Variants in AQP7 observed in about 807,000 individuals in gnomAD.
AQP7 encodes the protein aquaporin 7.
AQP7 carries 22 observed loss-of-function variants against 26.1 expected under a neutral mutation model. The ratio of observed to expected loss-of-function variants is 0.84; its 90% CI spans 0.60 to 1.20. The LOEUF (loss-of-function observed/expected upper bound fraction) is 1.20. Ranked by LOEUF, AQP7 falls within the 50% of genes most tolerant of loss-of-function variation. The pLI, the probability that AQP7 is intolerant of heterozygous loss-of-function variation, is 0.00. For synonymous variants in AQP7, 167 were observed against 181.7 expected, an observed-to-expected ratio of 0.92 and a Z score of 0.65; for missense variants, 412 against 457.5, an observed-to-expected ratio of 0.90 and a Z score of 0.91.
chr9:33,391,553 G>A (rs1229724192), intron 3 of AQP7: 1 of 252,884 alleles, frequency 4.0e-6, no homozygotes, highest in South Asian at 3.9e-5. Context: ...CCACAGCCAG[G>A]AGGCCAGCTC....
In AQP7 at chr9:33,385,108, G is replaced by T; in HGVS notation, c.926C>A (p.Pro309His). ...GACGGGGGTGAGGGGAGAGATCGTG[G>T]GTTCATGAGATCCCATCTTGGGCAA... ...TVLPKMGSHEPTISPLTPVSV... is the reference protein window; with the variant it reads ...TVLPKMGSHEHTISPLTPVSV... The change falls in exon 8 of 8, where the codon CCC becomes CAC. Residue 309 changes from proline (P) to histidine (H), a missense_variant. Pro to His is a moderately conservative substitution (Grantham distance 77). Transcript: ENST00000297988. 1 of 1,611,946 alleles carries T rather than the reference G, an allele frequency of 6.2e-7. No homozygotes were observed. The highest frequency in any genetic ancestry group is 1.1e-5 in the South Asian group (1 of 90,982).
At chr9:33,388,510 C>A (rs1825082189) in intron 3 of AQP7, among the ~76,000 whole-genome samples, 1 of 152,230 alleles carries the variant, frequency 6.6e-6, no homozygotes, top group Non-Finnish European at 1.5e-5. Context: ...TGCATAATTT[C>A]ATCCTTTCTG....
intron 3 of AQP7, among the ~76,000 whole-genome samples, chr9:33,389,936 G>A (rs1825222574): frequency 6.6e-6 from 1 of 150,968 alleles, no homozygotes; most frequent in African/African-American, 2.4e-5. Context: ...GCTGAGACAG[G>A]AGAATTGCTT....
At chr9:33,393,349 A>G (rs1454783046) in intron 3 of AQP7, among the ~76,000 whole-genome samples, 1 of 152,256 alleles carries the variant, frequency 6.6e-6, no homozygotes, top group Non-Finnish European at 1.5e-5. Flanking sequence ...ATTCTACATG[A>G]TATAAGTGAG....
chr9:33,401,238 G>T lies in AQP7; in HGVS notation c.25C>A (p.Arg9=). 6.5e-7 allele frequency: 1 copy of T among 1,549,332 alleles called. No homozygotes were observed. The highest frequency in any genetic ancestry group is 8.7e-7 in the Non-Finnish European group (1 of 1,146,748). MVQASGHR[R]STRGSKMVSW... is the part of the protein sequence containing the mutation. The stretch of plus-strand genomic sequence containing the variant: ...GTGAGAAGAGGGTGGGGTACTTACC[G>T]CCTGTGCCCGGATGCTTGAACCATG... The change falls in exon 2 of 8, where the codon CGG becomes AGG. Residue 9 remains arginine, a splice_region_variant and synonymous_variant. Coordinates refer to ENST00000297988, the MANE Select transcript of AQP7 (RefSeq NM_001170.3).
At chr9:33,390,004 G>A (rs1433213071) in intron 3 of AQP7, among the ~76,000 whole-genome samples, 1 of 149,700 alleles carries the variant, frequency 6.7e-6, no homozygotes, top group Non-Finnish European at 1.5e-5. Context: ...CTCCAGCCTG[G>A]GTGACAGAGC....
In AQP7 at chr9:33,387,093, C is replaced by A. The variant is rs779208290; in HGVS notation, c.145-1G>T. ...GGGCCACGGAACCAAGGCCGAATAC[C>A]TACAAGGGAGGGCCTCTAAGGGGGC... is the stretch of plus-strand genomic sequence containing the variant. On this transcript the variant is annotated splice_acceptor_variant, in intron 3 of 7. Coordinates refer to ENST00000297988, the MANE Select transcript of AQP7 (RefSeq NM_001170.3). LOFTEE classifies it high-confidence loss of function. 2.5e-6 allele frequency: 4 copies of A among 1,611,646 alleles called. No homozygotes were observed. The highest frequency in any genetic ancestry group is 3.4e-6 in the Non-Finnish European group (4 of 1,179,644).
intron 3 of AQP7, among the ~76,000 whole-genome samples, chr9:33,388,095 C>T (rs769524947): frequency 7.4e-4 from 113 of 152,196 alleles, no homozygotes; most frequent in Non-Finnish European, 1.2e-3. Flanking sequence ...GGTTTTACCA[C>T]GTAGACAGTC....
In AQP7 at chr9:33,402,487, G is replaced by C. The variant is rs1266066532; in HGVS notation, c.-140C>G. ...GGCTCAGCTTCCACCCCCAGCTGGG[G>C]CTCAGCTATCCCTGTGTCCCCAGTC... On this transcript the variant is annotated 5_prime_UTR_variant, in exon 1 of 8. Coordinates refer to ENST00000297988, the MANE Select transcript of AQP7 (RefSeq NM_001170.3). The C allele has an allele frequency of 6.5e-6, 1 of 152,780 alleles. No homozygotes were observed. The highest frequency in any genetic ancestry group is 1.5e-5 in the Non-Finnish European group (1 of 68,134). The allele number at this position is 152,780 out of a possible 1,614,324, so 9.5% of individuals were successfully genotyped here. A position where few individuals can be genotyped will look rare whatever the true frequency, so the allele number is the denominator to read the frequency against.
rs1324946098 is a variant in AQP7 at position 33,386,468 on chromosome 9, G to T, written c.342C>A (p.Val114=). The change falls in exon 5 of 8, where the codon GTC becomes GTA. Residue 114 remains valine (V), a synonymous_variant. Coordinates refer to ENST00000297988, the MANE Select transcript of AQP7 (RefSeq NM_001170.3). The part of the protein sequence containing the change: ...LGRVPWRKFP[V]YVLGQFLGSF... ...AGCCCAGGAACTGCCCCAGCACATAGACCGGAAACTTCCTCCAGGGCACGC... is the reference window on the plus strand; with the variant it reads ...AGCCCAGGAACTGCCCCAGCACATATACCGGAAACTTCCTCCAGGGCACGC... 2 of 1,612,144 alleles carry T rather than the reference G, an allele frequency of 1.2e-6. No homozygotes were observed. The highest frequency in any genetic ancestry group is 1.7e-6 in the Non-Finnish European group (2 of 1,179,230).
intron 2 of AQP7, among the ~76,000 whole-genome samples, chr9:33,398,973 C>CTTTT (rs10533009): frequency 7.2e-6 from 1 of 139,418 alleles, no homozygotes; most frequent in Non-Finnish European, 1.5e-5. Context: ...TTTCTTTTTC[C>CTTTT]TTTTTTTTTT....
At chr9:33,388,618 G>C (rs961958246) in intron 3 of AQP7, among the ~76,000 whole-genome samples, 5 of 152,190 alleles carry the variant, frequency 3.3e-5, no homozygotes, top group Admixed American at 6.5e-5. Flanking sequence ...ATGCCAGCGA[G>C]TTATACTGAT....
intron 2 of AQP7, among the ~76,000 whole-genome samples, chr9:33,395,970 A>G (rs1368526423): frequency 6.6e-6 from 1 of 152,240 alleles, no homozygotes; most frequent in Non-Finnish European, 1.5e-5. Flanking sequence ...CTTACTCCCA[A>G]CTAGATCCTC....
Position 33,394,856 on chromosome 9 carries a change from A to G in AQP7, c.144+222T>C, listed in dbSNP as rs184556958. ...CCCCATTTCCAGCCGTGCCCCGGAT[A>G]CCCCAGTGCATGGTTTCATTTGACC... On this transcript the variant is annotated intron_variant, in intron 3 of 7. Transcript: ENST00000297988. Among the ~76,000 whole-genome samples, 768 of 151,844 alleles carry G rather than the reference A, an allele frequency of 5.1e-3. 5 individuals are homozygous for G. The highest frequency in any genetic ancestry group is 6.2e-3 in the South Asian group (30 of 4,802).
Position 33,387,044 on chromosome 9 carries a change from C to T in AQP7, c.193G>A (p.Gly65Arg), listed in dbSNP as rs368849644. 1 of 1,612,000 alleles carries T rather than the reference C, an allele frequency of 6.2e-7. No individual in the cohort carries two copies. Among genetic ancestry groups the T allele is most frequent in the African/African-American group, 1.3e-5 (1 of 74,982 alleles). Reference sequence around the variant, plus strand: ...CCCAAGTTGACACCAAGGTAGCTCCCATATTTTTTATTTAGAACCATATGG... The same window carrying T: ...CCCAAGTTGACACCAAGGTAGCTCCTATATTTTTTATTTAGAACCATATGG... ...VAHMVLNKKY[G>R]SYLGVNLGFG... The change falls in exon 4 of 8, where the codon GGG (glycine) becomes AGG (arginine). Residue 65 changes from glycine to arginine, a missense_variant. Coordinates refer to ENST00000297988, the MANE Select transcript of AQP7 (RefSeq NM_001170.3).
intron 7 of AQP7, 131 bp downstream of exon 7, chr9:33,385,518 C>G (rs1824663327): frequency 8.4e-7 from 1 of 1,197,370 alleles, no homozygotes. Flanking sequence ...TTGGGACTCA[C>G]TCCTGCTCCC....
intron 3 of AQP7, among the ~76,000 whole-genome samples, chr9:33,391,839 A>C (rs1272860701): frequency 6.6e-6 from 1 of 152,214 alleles, no homozygotes; most frequent in Admixed American, 6.5e-5. Context: ...CCTCACAGCA[A>C]ATCTGCACGG....
intron 3 of AQP7, among the ~76,000 whole-genome samples, chr9:33,389,579 T>C (rs1365894963): frequency 6.6e-6 from 1 of 152,224 alleles, no homozygotes; most frequent in Non-Finnish European, 1.5e-5. Flanking sequence ...ACCTTTTTAA[T>C]GTGGATACTA....
At chr9:33,397,776 A>T (rs912675720) in intron 2 of AQP7, among the ~76,000 whole-genome samples, 3 of 152,174 alleles carry the variant, frequency 2.0e-5, no homozygotes, top group African/African-American at 7.2e-5. Flanking sequence ...AGGTAACCAC[A>T]GAAGAGGAGA....
Sources: gnomAD v4.1 joint callset for allele counts (sites outside exome capture counted in the v4.1 genomes callset) on GRCh38, gnomAD v4.1.1 for gene constraint, MANE v1.5 for transcripts, NCBI Gene and HGNC (gene_info 2026-07-23, HGNC 2026-07-21) for gene names.